The following SMIM36 variants were observed in gnomAD, a reference collection of about 807,000 sequenced individuals.
SMIM36 encodes the protein small integral membrane protein 36.
At chr17:55,495,209 A>G (rs1339160252) in intron 1 of SMIM36, among the ~76,000 whole-genome samples, 1 of 152,242 alleles carries the variant, frequency 6.6e-6, no homozygotes, top group Non-Finnish European at 1.5e-5. Flanking sequence ...TACAAGCAAC[A>G]AAATTGGAGT....
At chr17:55,461,817 T>C (rs1208229981) in intron 4 of SMIM36, among the ~76,000 whole-genome samples, 4 of 152,214 alleles carry the variant, frequency 2.6e-5, no homozygotes, top group Non-Finnish European at 5.9e-5. Flanking sequence ...AGTGGTGGTA[T>C]TGAATGAGTT....
intron 3 of SMIM36, among the ~76,000 whole-genome samples, chr17:55,473,062 G>A (rs1221446646): frequency 3.9e-5 from 6 of 151,920 alleles, no homozygotes; most frequent in Non-Finnish European, 7.4e-5. Context: ...CCAACTCAGG[G>A]CAAGTGGTTC....
upstream of SMIM36, among the ~76,000 whole-genome samples, chr17:55,515,086 G>GTTTTTTTTTTTTTT (rs1158864125): frequency 3.7e-5 from 2 of 54,086 alleles, no homozygotes; most frequent in Non-Finnish European, 6.3e-5. Flanking sequence ...CTAGTCTAGT[G>GTTTTTTTTTTTTTT]TTTTTTTTTT....
chr17:55,479,890 A>G (rs1025071999), intron 1 of SMIM36, among the ~76,000 whole-genome samples: 4 of 152,212 alleles, frequency 2.6e-5, no homozygotes, highest in African/African-American at 9.7e-5. Flanking sequence ...TGTGCCTTCA[A>G]CACTGGAGAA....
intron 3 of SMIM36, among the ~76,000 whole-genome samples, chr17:55,477,387 T>C (rs1475128898): frequency 6.6e-6 from 1 of 152,148 alleles, no homozygotes; most frequent in Non-Finnish European, 1.5e-5. Context: ...TAGAGATGCA[T>C]CATTCCAGAC....
At chr17:55,477,554 T>C (rs184837745) in intron 3 of SMIM36, among the ~76,000 whole-genome samples, 22 of 152,302 alleles carry the variant, frequency 1.4e-4, no homozygotes, top group Admixed American at 3.3e-4. Flanking sequence ...AGAGATCCTA[T>C]TTCTGGATGA....
chr17:55,526,199 A>G, the SMIM36 span, among the ~76,000 whole-genome samples: 1 of 152,110 alleles, frequency 6.6e-6, no homozygotes, highest in Non-Finnish European at 1.5e-5. Context: ...GCTGGAGTGC[A>G]GTGGTGCGAT....
chr17:55,517,674 T>C, the SMIM36 span, among the ~76,000 whole-genome samples: 1 of 152,236 alleles, frequency 6.6e-6, no homozygotes, highest in African/African-American at 2.4e-5. Flanking sequence ...TTTAGTGATG[T>C]GGATGACTGA....
At chr17:55,491,160 T>C (rs1909697253) in intron 1 of SMIM36, among the ~76,000 whole-genome samples, 1 of 149,052 alleles carries the variant, frequency 6.7e-6, no homozygotes, top group East Asian at 2.0e-4. Flanking sequence ...GAGGATTACT[T>C]GAGCCTGGGA....
the SMIM36 span, among the ~76,000 whole-genome samples, chr17:55,519,643 GACAAAAGTGTAAGAGGGAAGAGA>G: frequency 0.022 from 3,420 of 152,272 alleles, 63 homozygotes; most frequent in South Asian, 0.052. Context: ...TGTCTAGAAG[GACAAAAGTGTAAGAGGGAAGAGA>G]ATGAGGTGAG....
intron 4 of SMIM36, among the ~76,000 whole-genome samples, chr17:55,465,512 T>C (rs1034517964): frequency 3.3e-5 from 5 of 152,154 alleles, no homozygotes; most frequent in African/African-American, 1.2e-4. Context: ...ATTTGAACAA[T>C]TGCTGTTGGA....
intron 4 of SMIM36, among the ~76,000 whole-genome samples, chr17:55,451,489 GC>G (rs1356372841): frequency 6.6e-6 from 1 of 152,186 alleles, no homozygotes; most frequent in African/African-American, 2.4e-5. Flanking sequence ...CCCCACAGAG[GC>G]TTTGAAGTGG....
the SMIM36 span, among the ~76,000 whole-genome samples, chr17:55,525,762 A>G: frequency 1.3e-5 from 2 of 151,910 alleles, no homozygotes; most frequent in Non-Finnish European, 2.9e-5. Context: ...GGTTCAAGTG[A>G]TTCTCCAGCC....
At chr17:55,482,451 C>T (rs1909536680) in intron 1 of SMIM36, among the ~76,000 whole-genome samples, 1 of 152,228 alleles carries the variant, frequency 6.6e-6, no homozygotes, top group Admixed American at 6.5e-5. Flanking sequence ...CTTCCACAGG[C>T]TGTTACCAAG....
the SMIM36 span, among the ~76,000 whole-genome samples, chr17:55,525,411 C>T: frequency 6.6e-6 from 1 of 152,072 alleles, no homozygotes; most frequent in Non-Finnish European, 1.5e-5. Context: ...CAAATCCTAC[C>T]TCCCCCATAA....
rs1909468794 is a variant in SMIM36 at position 55,478,754 on chromosome 17, G to A, written c.*347+8C>T. ...TTGGTTGGGAAAACTCAGGCATATTGCACTTACCTTGTTTCTTTGCAGTGT... is the reference window on the plus strand; with the variant it reads ...TTGGTTGGGAAAACTCAGGCATATTACACTTACCTTGTTTCTTTGCAGTGT... On this transcript the variant is annotated splice_region_variant and intron_variant, in intron 3 of 4. Coordinates refer to ENST00000636752, the Ensembl canonical transcript of SMIM36. 2 of 152,102 alleles carry A rather than the reference G, an allele frequency of 1.3e-5. No individual in the cohort carries two copies. The highest frequency in any genetic ancestry group is 4.1e-4 in the South Asian group (2 of 4,826). The allele number at this position is 152,102 out of a possible 1,614,324, so 9.4% of individuals were successfully genotyped here. A position where few individuals can be genotyped will look rare whatever the true frequency, so the allele number is the denominator to read the frequency against.
chr17:55,521,668 A>G, the SMIM36 span, among the ~76,000 whole-genome samples: 1 of 152,202 alleles, frequency 6.6e-6, no homozygotes, highest in Non-Finnish European at 1.5e-5. Flanking sequence ...TTTTAGATGT[A>G]TCCTTGCCTC....
chr17:55,467,373 C>A (rs1909257272), intron 3 of SMIM36, 45 bp from the exon 4 acceptor site: 1 of 152,060 alleles, frequency 6.6e-6, no homozygotes, highest in African/African-American at 2.4e-5. Flanking sequence ...CGTGTTGGAG[C>A]CTTATATAGG....
At chr17:55,469,502 C>T (rs898253171) in intron 3 of SMIM36, among the ~76,000 whole-genome samples, 1 of 152,214 alleles carries the variant, frequency 6.6e-6, no homozygotes, top group Non-Finnish European at 1.5e-5. Flanking sequence ...ACCCAGTCCA[C>T]TCCTGACATT....
Sources: allele counts gnomAD v4.1 joint callset (sites outside exome capture counted in the v4.1 genomes callset), GRCh38; gene constraint gnomAD v4.1.1; transcripts MANE v1.5; gene names NCBI Gene and HGNC (gene_info 2026-07-23, HGNC 2026-07-21).